Variants in ALCAM observed in about 807,000 individuals in gnomAD.
ALCAM encodes the protein CD166 antigen.
Under a neutral mutation model 70.9 loss-of-function variants are expected in ALCAM, and 30 were observed. The ratio of observed to expected loss-of-function variants is 0.42; its 90% CI spans 0.32 to 0.57. ALCAM has a LOEUF of 0.57. Ranked by LOEUF, ALCAM falls within the 20% of genes least tolerant of loss-of-function variation. ALCAM has a pLI of 0.11. For synonymous variants in ALCAM, 249 were observed against 242.5 expected (o/e 1.03, Z -0.25); for missense variants, 591 against 695.1 (o/e 0.85, Z 1.68).
At position 105,534,797 on chromosome 3, in the gene ALCAM, T is replaced by C; in HGVS notation, c.682T>C (p.Ser228Pro). 1 of 1,613,722 alleles carries C rather than the reference T, an allele frequency of 6.2e-7. No homozygotes were observed. Among genetic ancestry groups the C allele is most frequent in the Non-Finnish European group, 8.5e-7 (1 of 1,179,774 alleles). ...CTGCTCGGTGACATATTATGGACCA[T>C]CTGGCCAGAAAACAATTCATTCTGA... is the stretch of plus-strand genomic sequence containing the variant. ...FTCSVTYYGP[S>P]GQKTIHSEQA... The change falls in exon 6 of 16, where the codon TCT (serine) becomes CCT (proline). Residue 228 changes from serine (S) to proline (P), a missense_variant. Physicochemically the swap from Ser to Pro is moderately conservative, Grantham distance 74. Around this residue, in one of 2 missense-constraint regions of ALCAM, gnomAD observed 427 missense variants for 450.4 expected, o/e 0.95. Coordinates refer to ENST00000306107, the MANE Select transcript of ALCAM (RefSeq NM_001627.4).
At chr3:105,497,463 AT>A (rs1446605721) in intron 1 of ALCAM, among the ~76,000 whole-genome samples, 2 of 152,032 alleles carry the variant, frequency 1.3e-5, no homozygotes, top group African/African-American at 4.8e-5. Flanking sequence ...CTTGCTTATT[AT>A]TTTTTTTAAG....
At chr3:105,541,112 TTTC>T (rs1940104077) in intron 7 of ALCAM, among the ~76,000 whole-genome samples, 1 of 139,752 alleles carries the variant, frequency 7.2e-6, no homozygotes. Flanking sequence ...AATTTCTTAA[TTTC>T]TTTTTTTCTT....
chr3:105,507,221 C>G (rs1366173960), intron 1 of ALCAM, among the ~76,000 whole-genome samples: 1 of 152,010 alleles, frequency 6.6e-6, no homozygotes, highest in African/African-American at 2.4e-5. Context: ...TTATTAACAT[C>G]TTTGCATTAG....
intron 14 of ALCAM, among the ~76,000 whole-genome samples, chr3:105,569,068 TG>T (rs1041144126): frequency 6.7e-6 from 1 of 150,058 alleles, no homozygotes; most frequent in Non-Finnish European, 1.5e-5. Flanking sequence ...ATTACATTGT[TG>T]TTTTTTTTTT....
Position 105,467,061 on chromosome 3 carries a change from T to G in ALCAM, c.74-53006T>G, listed in dbSNP as rs528795553. Among the ~76,000 whole-genome samples, 3 of 151,568 alleles carry G rather than the reference T, an allele frequency of 2.0e-5. No homozygotes were observed. The South Asian group carries it at 6.2e-4, about 31-fold the overall frequency. ...CTTTACCATTTAATAGCTGTGTAAC[T>G]TTGGAGATGTAATTTAATCTCTTTA... On this transcript the variant is annotated intron_variant, in intron 1 of 15. Coordinates refer to ENST00000306107, the MANE Select transcript of ALCAM (RefSeq NM_001627.4).
intron 6 of ALCAM, among the ~76,000 whole-genome samples, chr3:105,536,883 T>C (rs1404233516): frequency 6.6e-6 from 1 of 152,092 alleles, no homozygotes; most frequent in Non-Finnish European, 1.5e-5. Flanking sequence ...GAAGGACTTG[T>C]TAGAGCACAG....
intron 1 of ALCAM, among the ~76,000 whole-genome samples, chr3:105,427,481 C>T (rs181411787): frequency 4.8e-4 from 73 of 152,028 alleles, no homozygotes; most frequent in African/African-American, 1.6e-3. Flanking sequence ...ACTGCTTCAT[C>T]ACCATGGGCT....
At chr3:105,372,170 C>A (rs1196154886) in intron 1 of ALCAM, among the ~76,000 whole-genome samples, 1 of 151,890 alleles carries the variant, frequency 6.6e-6, no homozygotes, top group Admixed American at 6.6e-5. Flanking sequence ...AGAGTAAATT[C>A]AAGACTAAAA....
chr3:105,455,238 C>A (rs1294663216), intron 1 of ALCAM, among the ~76,000 whole-genome samples: 2 of 151,228 alleles, frequency 1.3e-5, no homozygotes, highest in African/African-American at 2.4e-5. Context: ...TCAAGAGATC[C>A]AGACCATCCT....
intron 1 of ALCAM, among the ~76,000 whole-genome samples, chr3:105,405,277 C>CAAAAAAAAAAACAAAA (rs1936196680): frequency 1.5e-5 from 1 of 65,226 alleles, no homozygotes; most frequent in Non-Finnish European, 2.7e-5. Context: ...AACTTCGTCT[C>CAAAAAAAAAAACAAAA]AAAAAAAAAA....
At chr3:105,416,580 A>G (rs564188164) in intron 1 of ALCAM, among the ~76,000 whole-genome samples, 68 of 152,054 alleles carry the variant, frequency 4.5e-4, no homozygotes, top group African/African-American at 1.6e-3. Flanking sequence ...TTATTATGCA[A>G]TTGCTCCGTA....
At chr3:105,542,362 A>G (rs145543234) in intron 8 of ALCAM, among the ~76,000 whole-genome samples, 4 of 151,998 alleles carry the variant, frequency 2.6e-5, no homozygotes, top group African/African-American at 9.6e-5. Context: ...TCCAAAAATT[A>G]TATTTGCCTC....
chr3:105,407,408 T>A (rs1254570665), intron 1 of ALCAM, among the ~76,000 whole-genome samples: 1 of 151,910 alleles, frequency 6.6e-6, no homozygotes, highest in East Asian at 1.9e-4. Flanking sequence ...ATGCAGGGAT[T>A]GTTTAACATA....
intron 1 of ALCAM, among the ~76,000 whole-genome samples, chr3:105,448,602 C>T (rs1228151177): frequency 1.3e-5 from 2 of 152,096 alleles, no homozygotes; most frequent in African/African-American, 2.4e-5. Flanking sequence ...AGAGCTTTGC[C>T]TTAGGAAGAG....
chr3:105,491,167 A>C (rs1430627753), intron 1 of ALCAM, among the ~76,000 whole-genome samples: 1 of 152,184 alleles, frequency 6.6e-6, no homozygotes, highest in Non-Finnish European at 1.5e-5. Flanking sequence ...CCACAGCCTG[A>C]GCTGTACCTT....
At chr3:105,539,400 A>C (rs1187417645) in intron 6 of ALCAM, among the ~76,000 whole-genome samples, 2 of 152,090 alleles carry the variant, frequency 1.3e-5, no homozygotes, top group Non-Finnish European at 2.9e-5. Flanking sequence ...CAAAATTACA[A>C]TACACTTACA....
intron 1 of ALCAM, 50 bp from the exon 2 acceptor site, chr3:105,520,017 T>G (rs758282772): frequency 1.6e-6 from 2 of 1,252,452 alleles, no homozygotes; most frequent in South Asian, 2.8e-5. Flanking sequence ...CATTTAAAAT[T>G]TTGTTCTCTC....
chr3:105,519,344 T>A (rs968998766), intron 1 of ALCAM, among the ~76,000 whole-genome samples: 4 of 152,004 alleles, frequency 2.6e-5, no homozygotes, highest in African/African-American at 9.7e-5. Context: ...TTAAATAAGA[T>A]GAGGCAGTTT....
chr3:105,563,032 C>G (rs964990188), intron 14 of ALCAM, among the ~76,000 whole-genome samples: 2 of 152,032 alleles, frequency 1.3e-5, no homozygotes, highest in Non-Finnish European at 2.9e-5. Flanking sequence ...TCTCAAACTT[C>G]CAACCTCAGG....
Sources: allele counts gnomAD v4.1 joint callset (sites outside exome capture counted in the v4.1 genomes callset), GRCh38; gene constraint gnomAD v4.1.1; regional missense constraint gnomAD v4.1.1; transcripts MANE v1.5; gene names NCBI Gene and HGNC (gene_info 2026-07-23, HGNC 2026-07-21).